The following TRHDE variants were observed in gnomAD, a reference collection of about 807,000 sequenced individuals.
TRHDE encodes the protein thyrotropin-releasing hormone-degrading ectoenzyme.
Under a neutral mutation model 125.7 loss-of-function variants are expected in TRHDE, and 72 were observed. That is an observed-to-expected ratio of 0.57 (90% CI 0.47 to 0.70). The LOEUF is 0.70. TRHDE is among the 30% of genes least tolerant of loss of function. TRHDE has a pLI of 0.00. For synonymous variants in TRHDE, 509 were observed against 509.1 expected (o/e 1.00, Z 0.00); for missense variants, 1,110 against 1,327.1 (o/e 0.84, Z 2.54).
At chr12:72,119,958 C>A (rs1165911633) in intron 2 of TRHDE, among the ~76,000 whole-genome samples, 4 of 151,930 alleles carry the variant, frequency 2.6e-5, no homozygotes, top group Non-Finnish European at 5.9e-5. Context: ...AATCATTGGG[C>A]CTTTTATTTT....
At chr12:72,606,399 G>A (rs987737529) in intron 12 of TRHDE, among the ~76,000 whole-genome samples, 1 of 152,136 alleles carries the variant, frequency 6.6e-6, no homozygotes, top group Non-Finnish European at 1.5e-5. Flanking sequence ...GAATATAGAT[G>A]CATGGCACGT....
intron 2 of TRHDE, among the ~76,000 whole-genome samples, chr12:72,248,221 C>T (rs1878611868): frequency 6.6e-6 from 1 of 152,086 alleles, no homozygotes; most frequent in Non-Finnish European, 1.5e-5. Context: ...AGATCGAGAT[C>T]ATCCTGGCCA....
At chr12:72,092,639 C>A (rs1874818666) in intron 1 of TRHDE, among the ~76,000 whole-genome samples, 1 of 152,200 alleles carries the variant, frequency 6.6e-6, no homozygotes, top group South Asian at 2.1e-4. Context: ...ACTTAGACTG[C>A]ATGCAAACAG....
At chr12:72,452,953 C>T (rs1875652514) in intron 3 of TRHDE, among the ~76,000 whole-genome samples, 1 of 152,146 alleles carries the variant, frequency 6.6e-6, no homozygotes, top group Admixed American at 6.5e-5. Context: ...TCATAAATTA[C>T]CCCATCTTGA....
At chr12:72,575,421 T>C (rs1287898047) in intron 11 of TRHDE, 33 bp downstream of exon 11, 1 of 1,613,322 alleles carries the variant, frequency 6.2e-7, no homozygotes, top group Non-Finnish European at 8.5e-7. Context: ...AAAGATAATT[T>C]TTGGTATGTG....
chr12:72,090,426 G>A (rs1566207044), intron 1 of TRHDE, among the ~76,000 whole-genome samples: 2 of 152,166 alleles, frequency 1.3e-5, no homozygotes, highest in Non-Finnish European at 2.9e-5. Flanking sequence ...TGATGGCAGG[G>A]TTGATTTAGG....
intron 3 of TRHDE, among the ~76,000 whole-genome samples, chr12:72,381,202 T>A (rs1872160371): frequency 6.6e-6 from 1 of 152,114 alleles, no homozygotes; most frequent in East Asian, 1.9e-4. Context: ...AACAAAGAGT[T>A]ATTTAGCCCA....
chr12:72,506,570 T>C (rs1050558719), intron 6 of TRHDE, among the ~76,000 whole-genome samples: 7 of 152,196 alleles, frequency 4.6e-5, no homozygotes, highest in African/African-American at 1.7e-4. Flanking sequence ...GGTACTTAAG[T>C]GATTGCCACA....
chr12:72,103,870 T>C (rs1176262284), intron 1 of TRHDE, among the ~76,000 whole-genome samples: 2 of 152,160 alleles, frequency 1.3e-5, no homozygotes, highest in African/African-American at 4.8e-5. Flanking sequence ...GCCGCTCCTG[T>C]GTCTCAGCAT....
intron 12 of TRHDE, among the ~76,000 whole-genome samples, chr12:72,586,954 G>A (rs979604094): frequency 6.6e-6 from 1 of 152,070 alleles, no homozygotes; most frequent in Non-Finnish European, 1.5e-5. Flanking sequence ...AAATTAGAGG[G>A]CAGTTATTGG....
chr12:72,370,566 A>G (rs1271961038), intron 2 of TRHDE, among the ~76,000 whole-genome samples: 2 of 152,148 alleles, frequency 1.3e-5, no homozygotes, highest in Non-Finnish European at 2.9e-5. Context: ...ACCTATCACT[A>G]TATATCTCCT....
chr12:72,098,258 G>C (rs1003500387), intron 1 of TRHDE, among the ~76,000 whole-genome samples: 4 of 152,120 alleles, frequency 2.6e-5, no homozygotes, highest in African/African-American at 9.7e-5. Flanking sequence ...AATAGTTGCA[G>C]ACTTACATGA....
intron 12 of TRHDE, among the ~76,000 whole-genome samples, chr12:72,591,632 G>GTTTTTTGTT (rs1871686403): frequency 1.6e-5 from 2 of 125,446 alleles, no homozygotes; most frequent in African/African-American, 3.2e-5. Context: ...AAGGATATGG[G>GTTTTTTGTT]TTTTTTTTTT....
chr12:72,245,885 C>G (rs1331478485), intron 2 of TRHDE, among the ~76,000 whole-genome samples: 2 of 151,906 alleles, frequency 1.3e-5, no homozygotes, highest in Non-Finnish European at 2.9e-5. Flanking sequence ...TATATTTAGT[C>G]AAGGTATTTT....
rs137894419 is a variant in TRHDE, at chr12:72,411,135, G to A, written c.1315+33014G>A. Among the ~76,000 whole-genome samples the A allele has an allele frequency of 3.4e-3, 520 of 151,138 alleles. 3 individuals are homozygous for A. Among genetic ancestry groups the A allele is most frequent in the African/African-American group, 0.012 (493 of 41,210 alleles). The stretch of plus-strand genomic sequence containing the variant: ...GGAGAATGGTGTGAACCCAGGAGGC[G>A]GAGCTTGCAGTGAGCCGAGATTGCG... On this transcript the variant is annotated intron_variant, in intron 3 of 18. Coordinates refer to ENST00000261180, the MANE Select transcript of TRHDE (RefSeq NM_013381.3).
intron 2 of TRHDE, among the ~76,000 whole-genome samples, chr12:72,165,558 A>C (rs1182201114): frequency 6.6e-6 from 1 of 152,040 alleles, no homozygotes; most frequent in Non-Finnish European, 1.5e-5. Flanking sequence ...TGTATATACT[A>C]TGATTATTTT....
At chr12:72,654,359 G>GGAGC (rs897430648) in intron 17 of TRHDE, among the ~76,000 whole-genome samples, 1 of 152,074 alleles carries the variant, frequency 6.6e-6, no homozygotes, top group Non-Finnish European at 1.5e-5. Flanking sequence ...CTGACAAATA[G>GGAGC]GAGCATAATC....
chr12:72,380,810 CCTTCCTTA>C (rs1565720585), intron 3 of TRHDE, among the ~76,000 whole-genome samples: 2 of 139,068 alleles, frequency 1.4e-5, no homozygotes, highest in South Asian at 2.3e-4. Flanking sequence ...TTCCTTCCTT[CCTTCCTTA>C]TTCCCTCCCT....
At chr12:72,556,987 T>C (rs1216623123) in intron 7 of TRHDE, among the ~76,000 whole-genome samples, 1 of 152,178 alleles carries the variant, frequency 6.6e-6, no homozygotes, top group African/African-American at 2.4e-5. Context: ...CTAGTTGTCC[T>C]CTCTTTTTTA....
Sources: allele counts gnomAD v4.1 joint callset (sites outside exome capture counted in the v4.1 genomes callset), GRCh38; gene constraint gnomAD v4.1.1; transcripts MANE v1.5; gene names NCBI Gene and HGNC (gene_info 2026-07-23, HGNC 2026-07-21).